Variants in AOAH observed in about 807,000 individuals in gnomAD.
AOAH encodes acyloxyacyl hydrolase, also known as acyloxyacyl hydrolase (neutrophil).
AOAH carries 64 observed loss-of-function variants against 92.2 expected under a neutral mutation model. The observed-to-expected ratio is 0.69, with a 90% confidence interval of 0.57 to 0.86. The LOEUF is 0.86. Ranked by LOEUF, AOAH falls within the 40% of genes least tolerant of loss-of-function variation. The pLI is 0.00. For synonymous variants in AOAH, 263 were observed against 254.5 expected, an observed-to-expected ratio of 1.03 and a Z score of -0.32; for missense variants, 656 against 694.6, an observed-to-expected ratio of 0.94 and a Z score of 0.62.
At chr7:36,705,444 T>C (rs1798337639) in intron 1 of AOAH, among the ~76,000 whole-genome samples, 1 of 152,062 alleles carries the variant, frequency 6.6e-6, no homozygotes, top group African/African-American at 2.4e-5. Context: ...AAGAGCCTCT[T>C]CAAGGAGAAA....
rs1292054655 is a variant in AOAH at position 36,526,501 on chromosome 7, G to C, written c.1522+3917C>G. 5.9e-5 allele frequency among the ~76,000 whole-genome samples: 9 copies of C among 152,166 alleles called. No individual in the cohort carries two copies. The South Asian group carries it at 6.2e-4, about 11-fold the overall frequency. ...AGACACTGGTCTTTACTTTTTCCTT[G>C]ATTGATTTTAGAGTGGGAGGTCCAT... On this transcript the variant is annotated intron_variant, in intron 19 of 20. Transcript: ENST00000617537.
chr7:36,662,725 A>G (rs2116559243), intron 3 of AOAH, among the ~76,000 whole-genome samples: 1 of 152,238 alleles, frequency 6.6e-6, no homozygotes, highest in East Asian at 1.9e-4. Flanking sequence ...TTTCCTCCCT[A>G]ATAGGGCACA....
chr7:36,562,213 C>T (rs929531553), intron 13 of AOAH, among the ~76,000 whole-genome samples: 1 of 152,166 alleles, frequency 6.6e-6, no homozygotes, highest in Non-Finnish European at 1.5e-5. Context: ...GACTCATCAA[C>T]ATTTTGTGTC....
At chr7:36,591,308 G>T (rs1789727613) in intron 12 of AOAH, among the ~76,000 whole-genome samples, 1 of 152,212 alleles carries the variant, frequency 6.6e-6, no homozygotes, top group South Asian at 2.1e-4. Flanking sequence ...AATACAACAG[G>T]TAAGGACAGG....
chr7:36,514,462 T>G, intron 20 of AOAH: 1 of 1,526,750 alleles, frequency 6.5e-7, no homozygotes, highest in Non-Finnish European at 8.8e-7. Flanking sequence ...TTTCCCAGCC[T>G]GAGGCTTACT....
At chr7:36,562,555 C>G (rs1787350220) in intron 13 of AOAH, among the ~76,000 whole-genome samples, 1 of 152,226 alleles carries the variant, frequency 6.6e-6, no homozygotes, top group African/African-American at 2.4e-5. Context: ...AGGGTCCACA[C>G]AGGCCTTTAA....
At chr7:36,523,629 G>GTTT (rs57628897) in intron 19 of AOAH, among the ~76,000 whole-genome samples, 41,233 of 99,676 alleles carry the variant, frequency 0.41, 9,833 homozygotes, top group East Asian at 0.59. Context: ...TGTTTTGCCT[G>GTTT]TTTTTTTTTT....
At chr7:36,517,126 A>G (rs776773176) in intron 20 of AOAH, among the ~76,000 whole-genome samples, 37 of 151,838 alleles carry the variant, frequency 2.4e-4, no homozygotes, top group Admixed American at 7.2e-4. Context: ...GGCAGGGCAC[A>G]GCTACCCTTT....
At chr7:36,524,119 G>A (rs1396220884) in intron 19 of AOAH, among the ~76,000 whole-genome samples, 2 of 151,992 alleles carry the variant, frequency 1.3e-5, no homozygotes, top group African/African-American at 4.8e-5. Context: ...CTTGATTAAC[G>A]TTTTGTCCCT....
chr7:36,590,782 A>G (rs1220599260), intron 12 of AOAH, among the ~76,000 whole-genome samples: 1 of 152,244 alleles, frequency 6.6e-6, no homozygotes, highest in East Asian at 1.9e-4. Flanking sequence ...TGGGAGCTGT[A>G]TACACCTCTC....
At chr7:36,673,823 C>T in intron 3 of AOAH, 120 bp downstream of exon 3, 1 of 647,342 alleles carries the variant, frequency 1.5e-6, no homozygotes, top group South Asian at 2.2e-5. Flanking sequence ...GCTGGAATAA[C>T]ACCTCGAGCC....
chr7:36,712,582 G>A (rs150597799), intron 1 of AOAH, among the ~76,000 whole-genome samples: 48 of 152,046 alleles, frequency 3.2e-4, no homozygotes, highest in Non-Finnish European at 4.6e-4. Flanking sequence ...AAGCATAGTC[G>A]ACCCCTGGGT....
At chr7:36,547,362 G>A (rs1785876749) in intron 15 of AOAH, among the ~76,000 whole-genome samples, 1 of 152,220 alleles carries the variant, frequency 6.6e-6, no homozygotes, top group African/African-American at 2.4e-5. Context: ...ACACTTCACT[G>A]ATTATGTCTG....
intron 11 of AOAH, among the ~76,000 whole-genome samples, chr7:36,601,849 C>T (rs1028425260): frequency 1.3e-5 from 2 of 152,190 alleles, no homozygotes; most frequent in African/African-American, 4.8e-5. Flanking sequence ...TCCAGTATTG[C>T]TAACACCGCA....
At chr7:36,586,853 C>T (rs1789368867) in intron 12 of AOAH, among the ~76,000 whole-genome samples, 2 of 152,206 alleles carry the variant, frequency 1.3e-5, no homozygotes, top group East Asian at 3.9e-4. Context: ...TTCCAAAACC[C>T]TCCAAGAATG....
Position 36,579,281 on chromosome 7 carries a change from C to G in AOAH, c.939-2625G>C, listed in dbSNP as rs532541426. Among the ~76,000 whole-genome samples, 8 of 152,174 alleles carry G rather than the reference C, an allele frequency of 5.3e-5. No homozygotes were observed. In the South Asian group the frequency reaches 8.3e-4, roughly 16 times the overall value. On this transcript the variant is annotated intron_variant, in intron 12 of 20. Coordinates refer to ENST00000617537, the MANE Select transcript of AOAH (RefSeq NM_001637.4). Reference sequence around the variant, plus strand: ...GATTCTCCAGCCCAGCCCAGCCCAGCCCAGCCATTAGGTGATGTCACTGAG... The same window carrying G: ...GATTCTCCAGCCCAGCCCAGCCCAGGCCAGCCATTAGGTGATGTCACTGAG...
chr7:36,608,575 G>A (rs1791168716), intron 11 of AOAH, among the ~76,000 whole-genome samples: 1 of 152,170 alleles, frequency 6.6e-6, no homozygotes, highest in Non-Finnish European at 1.5e-5. Context: ...ATACTTTTTA[G>A]ATGAGGAAAC....
rs1036532590 is a variant in AOAH at position 36,665,474 on chromosome 7, A to G, written c.291-6209T>C. Among the ~76,000 whole-genome samples, 5 of 151,710 alleles carry G rather than the reference A, an allele frequency of 3.3e-5. No individual in the cohort carries two copies. In the South Asian group the frequency reaches 8.3e-4, roughly 25 times the overall value. On this transcript the variant is annotated intron_variant, in intron 3 of 20. Coordinates refer to ENST00000617537, the MANE Select transcript of AOAH (RefSeq NM_001637.4). ...TTCTTTTGGATTTTCCACATAGACAATCATGTCACCTGAGAACAAAGTTAG... is the reference window on the plus strand; with the variant it reads ...TTCTTTTGGATTTTCCACATAGACAGTCATGTCACCTGAGAACAAAGTTAG...
intron 13 of AOAH, among the ~76,000 whole-genome samples, chr7:36,575,480 A>T (rs747267348): frequency 2.0e-5 from 3 of 152,202 alleles, no homozygotes; most frequent in Admixed American, 1.3e-4. Flanking sequence ...CAATGGGAAC[A>T]TTGTAATTTT....
Sources: gnomAD v4.1 joint callset for allele counts (sites outside exome capture counted in the v4.1 genomes callset) on GRCh38, gnomAD v4.1.1 for gene constraint, MANE v1.5 for transcripts, NCBI Gene and HGNC (gene_info 2026-07-23, HGNC 2026-07-21) for gene names.